Variants in C8orf34 observed in about 807,000 individuals in gnomAD.
The protein encoded by C8orf34 is uncharacterized protein C8orf34.
Under a neutral mutation model 68.3 loss-of-function variants are expected in C8orf34, and 65 were observed. The ratio of observed to expected loss-of-function variants is 0.95; its 90% CI spans 0.78 to 1.17. C8orf34 has a LOEUF of 1.17. C8orf34 is among the 50% of genes most tolerant of loss of function. The pLI is 0.00. For synonymous variants in C8orf34, 244 were observed against 241.2 expected, an observed-to-expected ratio of 1.01 and a Z score of -0.11; for missense variants, 664 against 655.4, an observed-to-expected ratio of 1.01 and a Z score of -0.14.
intron 10 of C8orf34, among the ~76,000 whole-genome samples, chr8:68,747,196 A>G (rs1822530265): frequency 1.3e-5 from 2 of 152,026 alleles, no homozygotes; most frequent in South Asian, 4.1e-4. Flanking sequence ...ACTTCATGCT[A>G]AAAACTCTCA....
chr8:68,814,075 C>G (rs1216867980), intron 12 of C8orf34, among the ~76,000 whole-genome samples: 1 of 152,204 alleles, frequency 6.6e-6, no homozygotes, highest in Non-Finnish European at 1.5e-5. Flanking sequence ...TACCCAGACA[C>G]TTGATTACTC....
chr8:68,730,281 A>G (rs185123164), intron 10 of C8orf34, among the ~76,000 whole-genome samples: 1 of 152,180 alleles, frequency 6.6e-6, no homozygotes, highest in African/African-American at 2.4e-5. Context: ...GTTAAAGAAC[A>G]GTGACTAGTA....
intron 4 of C8orf34, among the ~76,000 whole-genome samples, chr8:68,486,549 C>T (rs965070919): frequency 6.6e-6 from 1 of 152,124 alleles, no homozygotes; most frequent in African/African-American, 2.4e-5. Flanking sequence ...TTTCTAGTGT[C>T]ATCTACAAGG....
chr8:68,687,038 C>T (rs1563609565), intron 8 of C8orf34, among the ~76,000 whole-genome samples: 1 of 151,926 alleles, frequency 6.6e-6, no homozygotes. Flanking sequence ...AAATAAAATA[C>T]CTAGGAATAT....
At chr8:68,656,454 G>C (rs1443726350) in intron 8 of C8orf34, among the ~76,000 whole-genome samples, 1 of 152,138 alleles carries the variant, frequency 6.6e-6, no homozygotes, top group Non-Finnish European at 1.5e-5. Context: ...GCTGAGGTAG[G>C]CATGAACCCA....
At chr8:68,730,082 A>G (rs1369874591) in intron 10 of C8orf34, among the ~76,000 whole-genome samples, 1 of 152,162 alleles carries the variant, frequency 6.6e-6, no homozygotes, top group Non-Finnish European at 1.5e-5. Flanking sequence ...ATAATGGAAA[A>G]CTAGGCACAC....
At chr8:68,588,117 G>A (rs1254951759) in intron 7 of C8orf34, among the ~76,000 whole-genome samples, 1 of 152,010 alleles carries the variant, frequency 6.6e-6, no homozygotes, top group Non-Finnish European at 1.5e-5. Context: ...CTTTACATGT[G>A]GTGACTACAA....
At chr8:68,816,011 G>A in intron 13 of C8orf34, 66 bp downstream of exon 13, 1 of 1,611,044 alleles carries the variant, frequency 6.2e-7, no homozygotes, top group African/African-American at 1.3e-5. Flanking sequence ...AAACTGCTCA[G>A]GATTTGTATT....
chr8:68,805,393 C>T (rs1824452825), intron 12 of C8orf34, among the ~76,000 whole-genome samples: 1 of 152,166 alleles, frequency 6.6e-6, no homozygotes, highest in Admixed American at 6.5e-5. Context: ...CGTCTTCTTA[C>T]TGTATGTTTT....
At chr8:68,476,048 T>G (rs1029151373) in intron 4 of C8orf34, among the ~76,000 whole-genome samples, 1 of 152,218 alleles carries the variant, frequency 6.6e-6, no homozygotes, top group African/African-American at 2.4e-5. Context: ...CAGTCAGGAA[T>G]GTACCCAAGA....
chr8:68,593,021 A>C (rs1817443645), intron 7 of C8orf34, among the ~76,000 whole-genome samples: 1 of 152,116 alleles, frequency 6.6e-6, no homozygotes, highest in Admixed American at 6.6e-5. Context: ...GTTAAATGTG[A>C]AGCTTGCTGT....
Position 68,447,434 on chromosome 8 carries a change from T to C in C8orf34, c.607+974T>C, listed in dbSNP as rs1265685466. On this transcript the variant is annotated intron_variant, in intron 3 of 13. Transcript: ENST00000518698. ...GGTAGCTACTGGGATTCTCCAGTGC[T>C]CTGCTATCCCCACATATGTATAAAC... is the stretch of plus-strand genomic sequence containing the variant. 3 of 152,302 alleles carry C rather than the reference T, an allele frequency of 2.0e-5. No homozygotes were observed. In the East Asian group the frequency reaches 5.8e-4, roughly 29 times the overall value. The allele number at this position is 152,302 out of a possible 1,614,324, so 9.4% of individuals were successfully genotyped here. A position where few individuals can be genotyped will look rare whatever the true frequency, so the allele number is the denominator to read the frequency against.
intron 6 of C8orf34, 59 bp from the exon 7 acceptor site, chr8:68,532,924 A>T (rs1441967485): frequency 4.0e-6 from 5 of 1,253,272 alleles, no homozygotes. Context: ...CCAAATGGAA[A>T]TTTATTTGTA....
chr8:68,748,903 C>T (rs1427185365), intron 10 of C8orf34, among the ~76,000 whole-genome samples: 1 of 152,170 alleles, frequency 6.6e-6, no homozygotes, highest in African/African-American at 2.4e-5. Context: ...ACCCAAAGGA[C>T]TGTAAATCAT....
intron 8 of C8orf34, among the ~76,000 whole-genome samples, chr8:68,690,123 G>C (rs945452343): frequency 6.6e-6 from 1 of 152,016 alleles, no homozygotes; most frequent in Admixed American, 6.6e-5. Flanking sequence ...CATGTGTTAG[G>C]CTATAAAAGT....
At chr8:68,597,780 G>C (rs1194229978) in intron 7 of C8orf34, among the ~76,000 whole-genome samples, 4 of 152,134 alleles carry the variant, frequency 2.6e-5, no homozygotes, top group African/African-American at 9.7e-5. Context: ...CTAGGAAAGA[G>C]TAACTTTATT....
chr8:68,416,372 C>T (rs908697488), intron 1 of C8orf34, among the ~76,000 whole-genome samples: 10 of 152,076 alleles, frequency 6.6e-5, no homozygotes, highest in African/African-American at 2.4e-4. Context: ...TACAACCTTT[C>T]TAGAACAGAG....
rs1805570247 is a variant in C8orf34, at chr8:68,331,228, G to T, written c.216G>T (p.Pro72=). Residue 72 remains proline (P), a synonymous_variant, in exon 1 of 14, where the codon CCG becomes CCT. Coordinates refer to ENST00000518698, the MANE Select transcript of C8orf34 (RefSeq NM_052958.4). ...RRVVPSGGAQ[P]RVLPALSSRS... The stretch of plus-strand genomic sequence containing the variant: ...TTGTCCCCAGCGGAGGCGCACAGCC[G>T]CGCGTTCTCCCTGCACTCTCTTCGC... The T allele has an allele frequency of 6.5e-7, 1 of 1,535,986 alleles. No individual in the cohort carries two copies. Among genetic ancestry groups the T allele is most frequent in the African/African-American group, 1.4e-5 (1 of 73,032 alleles).
intron 11 of C8orf34, among the ~76,000 whole-genome samples, chr8:68,777,350 G>C (rs1317020882): frequency 1.3e-5 from 2 of 152,212 alleles, no homozygotes; most frequent in Non-Finnish European, 2.9e-5. Context: ...GCTGATGATA[G>C]AACTTAAGAA....
Sources: gnomAD v4.1 joint callset for allele counts (sites outside exome capture counted in the v4.1 genomes callset) on GRCh38, gnomAD v4.1.1 for gene constraint, MANE v1.5 for transcripts, NCBI Gene and HGNC (gene_info 2026-07-23, HGNC 2026-07-21) for gene names.